Variants in IDO2 observed in about 807,000 individuals in gnomAD.
The protein encoded by IDO2 is indoleamine 2,3-dioxygenase 2.
Under a neutral mutation model 45.1 loss-of-function variants are expected in IDO2, and 46 were observed. That is an observed-to-expected ratio of 1.02 (90% CI 0.80 to 1.30). The LOEUF (loss-of-function observed/expected upper bound fraction) is 1.30. Among genes scored for constraint, IDO2 ranks in the 50% most tolerant of loss-of-function variants. IDO2 has a pLI of 0.00. For missense variants in IDO2, 544 were observed against 491.8 expected (o/e 1.11, Z -1.00); for synonymous variants, 218 against 184.9 (o/e 1.18, Z -1.45).
intron 8 of IDO2, among the ~76,000 whole-genome samples, chr8:39,996,074 A>G (rs1402090539): frequency 1.3e-4 from 1 of 7,694 alleles, no homozygotes. Context: ...ACCTAAGAGT[A>G]AAAAAAAAAA....
chr8:39,985,762 T>A (rs919808994), intron 6 of IDO2: 3 of 471,458 alleles, frequency 6.4e-6, no homozygotes, highest in Admixed American at 3.9e-5. Context: ...AGTCTGTACA[T>A]AATAAAACAA....
chr8:40,008,590 A>T (rs937569021), intron 9 of IDO2, among the ~76,000 whole-genome samples: 1 of 152,336 alleles, frequency 6.6e-6, no homozygotes, highest in South Asian at 2.1e-4. Context: ...AATAGTTCTA[A>T]GAATTATGAT....
chr8:40,007,780 A>T (rs1191147657), intron 9 of IDO2, among the ~76,000 whole-genome samples: 1 of 152,178 alleles, frequency 6.6e-6, no homozygotes, highest in African/African-American at 2.4e-5. Flanking sequence ...TGTAAGTCGG[A>T]ATCATAGGCA....
intron 2 of IDO2, among the ~76,000 whole-genome samples, chr8:39,952,160 G>C (rs529295987): frequency 6.6e-6 from 1 of 152,274 alleles, no homozygotes; most frequent in African/African-American, 2.4e-5. Context: ...ATCTGCCCCA[G>C]GTTGCTTCAC....
At chr8:39,954,206 T>G (rs1035164286) in intron 2 of IDO2, among the ~76,000 whole-genome samples, 1 of 152,222 alleles carries the variant, frequency 6.6e-6, no homozygotes, top group Non-Finnish European at 1.5e-5. Context: ...TCATCTCCTG[T>G]CATTTAAGTC....
chr8:39,980,885 G>C (rs183918393), intron 4 of IDO2, among the ~76,000 whole-genome samples: 153 of 152,018 alleles, frequency 1.0e-3, no homozygotes, highest in Admixed American at 3.7e-3. Flanking sequence ...GAGTAGCTGG[G>C]ATTACAGGCA....
At chr8:39,994,617 T>C (rs1381184295) in intron 8 of IDO2, among the ~76,000 whole-genome samples, 4 of 152,060 alleles carry the variant, frequency 2.6e-5, no homozygotes, top group African/African-American at 9.7e-5. Flanking sequence ...TTAGCCCAAA[T>C]ATGCCCCAGT....
intron 10 of IDO2, 130 bp downstream of exon 10, chr8:40,013,843 A>G (rs529361314): frequency 1.3e-5 from 9 of 675,988 alleles, no homozygotes; most frequent in Non-Finnish European, 2.1e-5. Flanking sequence ...AAGTCAGCCA[A>G]GAAACTGCAT....
At chr8:39,963,158 C>CA (rs951838058) in intron 2 of IDO2, among the ~76,000 whole-genome samples, 2 of 152,224 alleles carry the variant, frequency 1.3e-5, no homozygotes, top group African/African-American at 4.8e-5. Context: ...GAAGCACCTA[C>CA]ATCTGTTTAT....
intron 2 of IDO2, among the ~76,000 whole-genome samples, chr8:39,952,796 T>C (rs1807831616): frequency 6.6e-6 from 1 of 151,300 alleles, no homozygotes; most frequent in Non-Finnish European, 1.5e-5. Flanking sequence ...TTTTTTGAGA[T>C]GGCGTCTTGT....
intron 2 of IDO2, among the ~76,000 whole-genome samples, chr8:39,950,295 C>T (rs952010565): frequency 1.7e-4 from 26 of 152,120 alleles, no homozygotes; most frequent in Non-Finnish European, 1.5e-5. Context: ...TTTTGGGAGG[C>T]CAAGGCAGGT....
chr8:39,994,067 C>T (rs1801990683), intron 8 of IDO2, among the ~76,000 whole-genome samples: 1 of 152,082 alleles, frequency 6.6e-6, no homozygotes, highest in South Asian at 2.1e-4. Flanking sequence ...AAGCAGGCTA[C>T]ATAACTTGCA....
At chr8:40,015,322 C>A in exon 11 of IDO2, 4 of 1,613,868 alleles carry the variant, frequency 2.5e-6, no homozygotes, top group Non-Finnish European at 3.4e-6. Context: ...CACTCAGCAC[C>A]TTCCCTGAGG....
At chr8:39,955,832 T>C (rs1807884010) in intron 2 of IDO2, among the ~76,000 whole-genome samples, 1 of 152,176 alleles carries the variant, frequency 6.6e-6, no homozygotes, top group Non-Finnish European at 1.5e-5. Flanking sequence ...TATTTCTAGA[T>C]TTTACTGTTT....
chr8:39,979,852 C>T (rs746084517), intron 4 of IDO2, among the ~76,000 whole-genome samples: 9 of 152,146 alleles, frequency 5.9e-5, no homozygotes, highest in Non-Finnish European at 1.2e-4. Context: ...CAGGGTTGCA[C>T]CATGTTGCCC....
chr8:40,013,655 G>C, exon 10 of IDO2: 2 of 1,613,920 alleles, frequency 1.2e-6, no homozygotes, highest in Non-Finnish European at 1.7e-6. Flanking sequence ...GTGCAGCTCA[G>C]AGCACAGTGC....
chr8:39,969,869 C>G (rs575219809), intron 3 of IDO2, among the ~76,000 whole-genome samples: 1 of 59,868 alleles, frequency 1.7e-5, no homozygotes, highest in Non-Finnish European at 3.1e-5. Flanking sequence ...GAGTAAAACT[C>G]CTTCTCAAAA....
At chr8:39,981,778 G>T (rs1036251822) in intron 4 of IDO2, among the ~76,000 whole-genome samples, 2 of 152,156 alleles carry the variant, frequency 1.3e-5, no homozygotes, top group Non-Finnish European at 2.9e-5. Context: ...ATCTTAAGGA[G>T]AAATGAAAAT....
At chr8:39,963,877 T>C (rs1449693165) in intron 3 of IDO2, among the ~76,000 whole-genome samples, 174 bp downstream of exon 3, 1 of 152,226 alleles carries the variant, frequency 6.6e-6, no homozygotes, top group Non-Finnish European at 1.5e-5. Flanking sequence ...CGTAATCTGA[T>C]ACATGTGTTT....
Sources: gnomAD v4.1 joint callset for allele counts (sites outside exome capture counted in the v4.1 genomes callset) on GRCh38, gnomAD v4.1.1 for gene constraint, MANE v1.5 for transcripts, NCBI Gene and HGNC (gene_info 2026-07-23, HGNC 2026-07-21) for gene names.